Variants in PSD3 observed in about 807,000 individuals in gnomAD.
The protein encoded by PSD3 is PH and SEC7 domain-containing protein 3.
In PSD3, 49 loss-of-function variants were observed where a neutral mutation model predicts 105.5. That is an observed-to-expected ratio of 0.46 (90% CI 0.37 to 0.59). The LOEUF (loss-of-function observed/expected upper bound fraction) is 0.59. Among genes scored for constraint, PSD3 ranks in the 20% least tolerant of loss-of-function variants. PSD3 has a pLI of 0.00. For missense variants in PSD3, 1,561 were observed against 1,263.8 expected (o/e 1.24, Z -3.57); for synonymous variants, 557 against 457.8 (o/e 1.22, Z -2.77).
chr8:18,638,250 T>C (rs552862677), intron 10 of PSD3, among the ~76,000 whole-genome samples: 1 of 150,622 alleles, frequency 6.6e-6, no homozygotes, highest in South Asian at 2.1e-4. Context: ...TCTAAGACCA[T>C]GAACAAGACA....
Position 18,663,641 on chromosome 8 carries a change from G to A in PSD3, c.2173-7956C>T, listed in dbSNP as rs141910060. Among the ~76,000 whole-genome samples, 1,287 of 152,264 alleles carry A rather than the reference G, an allele frequency of 8.5e-3. 11 individuals are homozygous for A. Among genetic ancestry groups the A allele is most frequent in the African/African-American group, 0.018 (765 of 41,536 alleles). ...GAGATTACCTTCTATTGAACTGGCT[G>A]TTGTGTCTCAGAGAAAGTGTCTTAA... On this transcript the variant is annotated intron_variant, in intron 9 of 15. Transcript: ENST00000327040.
chr8:18,724,765 T>C (rs1585737325), intron 9 of PSD3, among the ~76,000 whole-genome samples: 1 of 152,104 alleles, frequency 6.6e-6, no homozygotes, highest in Admixed American at 6.6e-5. Context: ...ACAAATAAGC[T>C]TATTAATAAA....
chr8:18,602,728 A>G (rs1303700500), intron 11 of PSD3, among the ~76,000 whole-genome samples: 1 of 152,082 alleles, frequency 6.6e-6, no homozygotes, highest in African/African-American at 2.4e-5. Flanking sequence ...ACTGTGCACT[A>G]AAGTGGGCTG....
At chr8:18,826,480 C>A (rs904418241) in intron 4 of PSD3, among the ~76,000 whole-genome samples, 3 of 152,218 alleles carry the variant, frequency 2.0e-5, no homozygotes, top group African/African-American at 7.2e-5. Context: ...TCAAACAGCA[C>A]ATCTTATTAC....
intron 9 of PSD3, among the ~76,000 whole-genome samples, chr8:18,665,778 G>A (rs1005070435): frequency 3.3e-5 from 5 of 152,210 alleles, no homozygotes; most frequent in African/African-American, 9.6e-5. Context: ...TTGAGCCTGG[G>A]AGATCAAGGC....
intron 15 of PSD3, among the ~76,000 whole-genome samples, chr8:18,544,197 A>T (rs1312162300): frequency 7.5e-6 from 1 of 132,532 alleles, no homozygotes. Flanking sequence ...AAAAAAAAAA[A>T]ACCAAACAAA....
intron 2 of PSD3, among the ~76,000 whole-genome samples, chr8:18,873,718 G>C (rs1281269547): frequency 2.0e-5 from 3 of 152,004 alleles, no homozygotes. Flanking sequence ...CCTTTGACCA[G>C]CACCTCCCCA....
chr8:18,541,967 GGTCTCA>G (rs1800175086), intron 15 of PSD3, among the ~76,000 whole-genome samples: 2 of 152,008 alleles, frequency 1.3e-5, no homozygotes. Context: ...TGGTCAGGCT[GGTCTCA>G]AACTCCTGAC....
At chr8:18,885,596 C>T (rs539993609) in intron 2 of PSD3, among the ~76,000 whole-genome samples, 129 of 152,282 alleles carry the variant, frequency 8.5e-4, no homozygotes, top group Admixed American at 1.5e-3. Flanking sequence ...GTGGTAAACA[C>T]GCCACCTCAC....
chr8:18,558,764 T>C (rs531618750), intron 14 of PSD3, among the ~76,000 whole-genome samples: 76 of 152,286 alleles, frequency 5.0e-4, no homozygotes, highest in African/African-American at 1.7e-3. Flanking sequence ...GAGGCTGCAG[T>C]GAGTCGAGGT....
At chr8:19,024,034 A>C (rs1402026386) in intron 1 of PSD3, among the ~76,000 whole-genome samples, 4 of 152,222 alleles carry the variant, frequency 2.6e-5, no homozygotes, top group African/African-American at 4.8e-5. Context: ...AATTATCTGC[A>C]TCCTCCCAAT....
chr8:18,768,050 C>A (rs150105022), intron 8 of PSD3, among the ~76,000 whole-genome samples: 1,942 of 139,246 alleles, frequency 0.014, 51 homozygotes, highest in African/African-American at 0.048. Context: ...ACAGGCGGAT[C>A]ACTTGAGGTC....
chr8:18,629,855 T>C (rs1220521053), intron 11 of PSD3, among the ~76,000 whole-genome samples: 1 of 151,994 alleles, frequency 6.6e-6, no homozygotes, highest in East Asian at 1.9e-4. Context: ...TTAGTTTTTG[T>C]AAATTATTAG....
intron 15 of PSD3, among the ~76,000 whole-genome samples, chr8:18,543,402 C>A (rs1241870938): frequency 6.6e-6 from 1 of 152,066 alleles, no homozygotes; most frequent in Non-Finnish European, 1.5e-5. Flanking sequence ...ATCACGAGGT[C>A]AAGAGATCGA....
intron 11 of PSD3, among the ~76,000 whole-genome samples, chr8:18,621,050 T>C (rs950649471): frequency 1.3e-5 from 2 of 152,192 alleles, no homozygotes; most frequent in Non-Finnish European, 2.9e-5. Context: ...ACTTCAGAGA[T>C]TCTGAACACA....
rs142756758 is a variant in PSD3, at chr8:18,558,153, G to A, written c.2785-1801C>T. On this transcript the variant is annotated intron_variant, in intron 14 of 15. Coordinates refer to ENST00000327040, the MANE Select transcript of PSD3 (RefSeq NM_015310.4). ...GAGAAAATAGATGTCTGCTATGGAA[G>A]CCACCCAATCTATAGTGTTTTGTTA... Among the ~76,000 whole-genome samples the A allele has an allele frequency of 8.5e-4, 129 of 152,266 alleles. 2 individuals carry two copies. In the East Asian group the frequency reaches 0.024, roughly 28 times the overall value.
At chr8:18,615,785 A>G (rs931791723) in intron 11 of PSD3, among the ~76,000 whole-genome samples, 32 of 152,216 alleles carry the variant, frequency 2.1e-4, no homozygotes, top group Non-Finnish European at 8.8e-5. Context: ...AGTGACAGCA[A>G]ATCAGGTTTC....
At chr8:18,630,720 C>G (rs535157065) in intron 11 of PSD3, among the ~76,000 whole-genome samples, 3 of 151,788 alleles carry the variant, frequency 2.0e-5, no homozygotes, top group South Asian at 4.1e-4. Flanking sequence ...CCCTCCATAT[C>G]TGTGGGTTCT....
intron 8 of PSD3, among the ~76,000 whole-genome samples, chr8:18,781,091 A>G (rs1229747213): frequency 1.3e-5 from 2 of 151,980 alleles, no homozygotes; most frequent in African/African-American, 4.8e-5. Context: ...TGGAGTTATC[A>G]TTTCATTTAC....
Sources: gnomAD v4.1 joint callset for allele counts (sites outside exome capture counted in the v4.1 genomes callset) on GRCh38, gnomAD v4.1.1 for gene constraint, MANE v1.5 for transcripts, NCBI Gene and HGNC (gene_info 2026-07-23, HGNC 2026-07-21) for gene names.